PPP3R1: variants seen among roughly 807,000 people sequenced by gnomAD.
PPP3R1 encodes the protein protein phosphatase 3 regulatory subunit B, alpha.
In PPP3R1, 5 loss-of-function variants were observed where a neutral mutation model predicts 22.6. The ratio of observed to expected loss-of-function variants is 0.22; its 90% CI spans 0.12 to 0.46. PPP3R1 has a LOEUF of 0.46. Ranked by LOEUF, PPP3R1 falls within the 20% of genes least tolerant of loss-of-function variation. The pLI, the probability that PPP3R1 is intolerant of heterozygous loss-of-function variation, is 0.99. For synonymous variants in PPP3R1, 56 were observed against 65.2 expected (o/e 0.86, Z 0.68); for missense variants, 61 against 203.2 (o/e 0.30, Z 4.25).
At chr2:68,199,004 C>A (rs1674899684) in intron 2 of PPP3R1, among the ~76,000 whole-genome samples, 1 of 152,124 alleles carries the variant, frequency 6.6e-6, no homozygotes, top group Non-Finnish European at 1.5e-5. Context: ...TGCTCTGTCA[C>A]CCAGGCTGGA....
intron 2 of PPP3R1, among the ~76,000 whole-genome samples, chr2:68,204,674 A>G (rs1466213474): frequency 6.6e-6 from 1 of 152,248 alleles, no homozygotes; most frequent in African/African-American, 2.4e-5. Context: ...AACGCTTAGA[A>G]TAATTCCTGG....
intron 1 of PPP3R1, among the ~76,000 whole-genome samples, chr2:68,232,463 G>T (rs980682374): frequency 2.0e-5 from 3 of 150,734 alleles, no homozygotes; most frequent in African/African-American, 7.3e-5. Flanking sequence ...ATCTTATTTA[G>T]ATTTTGCCAT....
intron 1 of PPP3R1, among the ~76,000 whole-genome samples, chr2:68,219,364 T>C (rs528807549): frequency 1.3e-5 from 2 of 152,336 alleles, no homozygotes; most frequent in South Asian, 2.1e-4. Context: ...TTGTTCCACG[T>C]TCAGTCTTCC....
At chr2:68,246,062 TCTTTC>T (rs1201260057) in intron 1 of PPP3R1, among the ~76,000 whole-genome samples, 51 of 140,816 alleles carry the variant, frequency 3.6e-4, no homozygotes, top group Non-Finnish European at 6.6e-4. Context: ...ACTTTTTCTT[TCTTTC>T]TTTTTTTTTT....
chr2:68,198,095 T>C (rs867966042), intron 2 of PPP3R1, among the ~76,000 whole-genome samples: 51 of 97,352 alleles, frequency 5.2e-4, no homozygotes, highest in African/African-American at 2.3e-3. Context: ...AAAAAGCATA[T>C]ATATGTAAAC....
chr2:68,239,821 C>T (rs1405930833), intron 1 of PPP3R1, among the ~76,000 whole-genome samples: 2 of 152,148 alleles, frequency 1.3e-5, no homozygotes, highest in Non-Finnish European at 2.9e-5. Context: ...CATTTGAGTC[C>T]TTACATAATC....
At chr2:68,229,457 C>T (rs570764911) in intron 1 of PPP3R1, among the ~76,000 whole-genome samples, 16 of 152,278 alleles carry the variant, frequency 1.1e-4, no homozygotes, top group African/African-American at 3.9e-4. Flanking sequence ...GATTTTCTTG[C>T]TTGGTTACTC....
intron 2 of PPP3R1, among the ~76,000 whole-genome samples, chr2:68,197,400 T>C (rs1572955972): frequency 6.6e-6 from 1 of 152,234 alleles, no homozygotes; most frequent in African/African-American, 2.4e-5. Context: ...GTCCATTATA[T>C]GGATATACCA....
intron 5 of PPP3R1, among the ~76,000 whole-genome samples, chr2:68,181,914 G>C (rs767692312): frequency 6.6e-6 from 1 of 152,042 alleles, no homozygotes; most frequent in Non-Finnish European, 1.5e-5. Flanking sequence ...TGTAAGTGTA[G>C]TATCTGTATC....
chr2:68,241,994 T>C (rs1670146646), intron 1 of PPP3R1, among the ~76,000 whole-genome samples: 1 of 152,226 alleles, frequency 6.6e-6, no homozygotes, highest in South Asian at 2.1e-4. Context: ...TACCTACATG[T>C]AGTTATTGTG....
At chr2:68,239,978 T>A (rs543581900) in intron 1 of PPP3R1, among the ~76,000 whole-genome samples, 12 of 152,342 alleles carry the variant, frequency 7.9e-5, no homozygotes, top group South Asian at 4.1e-4. Context: ...ATGTAAGTAT[T>A]ACAAAACAGG....
chr2:68,202,904 G>A (rs1675015782), intron 2 of PPP3R1, among the ~76,000 whole-genome samples: 3 of 139,568 alleles, frequency 2.1e-5, no homozygotes, highest in South Asian at 4.6e-4. Context: ...CCAGGTTCAC[G>A]CCATTCTCCT....
intron 2 of PPP3R1, among the ~76,000 whole-genome samples, chr2:68,202,216 A>T (rs1558632330): frequency 6.6e-6 from 1 of 152,228 alleles, no homozygotes. Flanking sequence ...TTACGCAGAT[A>T]GCTAGACTTT....
intron 1 of PPP3R1, among the ~76,000 whole-genome samples, chr2:68,242,674 G>A (rs749363426): frequency 5.3e-5 from 8 of 152,080 alleles, no homozygotes; most frequent in Non-Finnish European, 1.0e-4. Context: ...CCATTATCAC[G>A]TGTTTTTCCT....
chr2:68,185,277 G>A (rs536145229), intron 5 of PPP3R1, among the ~76,000 whole-genome samples: 4 of 148,968 alleles, frequency 2.7e-5, no homozygotes, highest in South Asian at 2.1e-4. Context: ...AAATAAACTC[G>A]AAACTTAGCT....
chr2:68,188,743 C>G (rs1158807055), intron 2 of PPP3R1, 53 bp from the exon 3 acceptor site: 36 of 1,467,262 alleles, frequency 2.5e-5, no homozygotes, highest in Non-Finnish European at 3.3e-5. Context: ...TTCCCAAATC[C>G]TTTCTAATGG....
intron 1 of PPP3R1, among the ~76,000 whole-genome samples, chr2:68,246,189 C>A (rs1278870070): frequency 1.3e-5 from 2 of 150,552 alleles, no homozygotes; most frequent in Non-Finnish European, 2.9e-5. Flanking sequence ...ATTCTCCTGC[C>A]TCAGCCTCCT....
intron 1 of PPP3R1, among the ~76,000 whole-genome samples, chr2:68,222,650 C>A (rs1392424897): frequency 6.6e-6 from 1 of 152,176 alleles, no homozygotes; most frequent in Admixed American, 6.5e-5. Context: ...AGCTCTCAGG[C>A]CTTCAAGCTA....
chr2:68,232,124 T>TACACACACACAAAAATTAGCAC (rs1669918601), intron 1 of PPP3R1, among the ~76,000 whole-genome samples: 1 of 97,990 alleles, frequency 1.0e-5, no homozygotes. Context: ...TATATATATA[T>TACACACACACAAAAATTAGCAC]ACACACACAC....
Sources: gnomAD v4.1 joint callset for allele counts (sites outside exome capture counted in the v4.1 genomes callset) on GRCh38, gnomAD v4.1.1 for gene constraint, MANE v1.5 for transcripts, NCBI Gene and HGNC (gene_info 2026-07-23, HGNC 2026-07-21) for gene names.